Variants in IFT56 observed in about 807,000 individuals in gnomAD.
The protein encoded by IFT56 is intraflagellar transport protein 56.
At chr7:139,173,851 C>A in the IFT56 span, 1 of 709,266 alleles carries the variant, frequency 1.4e-6, no homozygotes, top group Non-Finnish European at 2.6e-6. Context: ...TCAGGTATTT[C>A]TATAGTTACT....
At chr7:139,162,893 A>G in the IFT56 span, among the ~76,000 whole-genome samples, 1 of 151,914 alleles carries the variant, frequency 6.6e-6, no homozygotes, top group Non-Finnish European at 1.5e-5. Flanking sequence ...CAGGAGGTGA[A>G]GCTTGCAGTG....
the IFT56 span, among the ~76,000 whole-genome samples, chr7:139,179,180 G>A: frequency 6.6e-6 from 1 of 152,166 alleles, no homozygotes; most frequent in Admixed American, 6.5e-5. Flanking sequence ...TCAGGAGTTC[G>A]AGACCAACCT....
chr7:139,137,525 T>C, the IFT56 span, among the ~76,000 whole-genome samples: 1 of 152,262 alleles, frequency 6.6e-6, no homozygotes, highest in African/African-American at 2.4e-5. Context: ...TCAGCCTCTC[T>C]AACCTTCAGT....
At chr7:139,159,576 C>T in the IFT56 span, among the ~76,000 whole-genome samples, 1 of 152,126 alleles carries the variant, frequency 6.6e-6, no homozygotes, top group Non-Finnish European at 1.5e-5. Flanking sequence ...ATTGGGCTTT[C>T]TTTTTTGTCC....
chr7:139,133,844 A>G, the IFT56 span: 5 of 1,614,238 alleles, frequency 3.1e-6, no homozygotes, highest in South Asian at 5.5e-5. Flanking sequence ...GGGACTCACA[A>G]GACCGACGTC....
At chr7:139,160,482 T>A in the IFT56 span, among the ~76,000 whole-genome samples, 2 of 151,400 alleles carry the variant, frequency 1.3e-5, no homozygotes, top group Non-Finnish European at 2.9e-5. Flanking sequence ...CAGGCTGGAA[T>A]GCAGTGGCGC....
At chr7:139,160,847 A>G in the IFT56 span, 2 of 778,308 alleles carry the variant, frequency 2.6e-6, no homozygotes, top group Non-Finnish European at 4.1e-6. Flanking sequence ...CAAATGAAAT[A>G]GCATGTTAAA....
At chr7:139,146,805 A>T in the IFT56 span, among the ~76,000 whole-genome samples, 1 of 151,750 alleles carries the variant, frequency 6.6e-6, no homozygotes, top group African/African-American at 2.4e-5. Flanking sequence ...AGAACAGATT[A>T]AAAATGTTAC....
At chr7:139,181,126 A>G in the IFT56 span, 1 of 1,612,234 alleles carries the variant, frequency 6.2e-7, no homozygotes, top group Admixed American at 1.7e-5. Context: ...TAGCCTGGGA[A>G]CTTTATCTTA....
At chr7:139,178,046 C>T in the IFT56 span, among the ~76,000 whole-genome samples, 1 of 152,060 alleles carries the variant, frequency 6.6e-6, no homozygotes, top group African/African-American at 2.4e-5. Flanking sequence ...GAACTATGAC[C>T]TCCATTATAT....
the IFT56 span, chr7:139,173,587 G>T: frequency 6.4e-3 from 5,255 of 820,094 alleles, 144 homozygotes; most frequent in African/African-American, 0.069. Flanking sequence ...ACAGGAGAGT[G>T]TAATCAAAGG....
the IFT56 span, chr7:139,142,228 T>C: frequency 8.7e-6 from 14 of 1,613,778 alleles, no homozygotes; most frequent in Non-Finnish European, 1.1e-5. Flanking sequence ...TTGAGTTCTT[T>C]AATAAGCAGC....
the IFT56 span, among the ~76,000 whole-genome samples, chr7:139,158,614 A>G: frequency 6.6e-6 from 1 of 152,010 alleles, no homozygotes; most frequent in African/African-American, 2.4e-5. Context: ...AGTATTTTCT[A>G]TTGTTAAATC....
chr7:139,147,378 C>G, the IFT56 span: 15 of 1,085,506 alleles, frequency 1.4e-5, no homozygotes, highest in Non-Finnish European at 2.0e-5. Context: ...TCCTCTGGAT[C>G]TAGTACCACT....
chr7:139,189,592 C>T, the IFT56 span: 1 of 576,604 alleles, frequency 1.7e-6, no homozygotes, highest in Non-Finnish European at 3.1e-6. Flanking sequence ...GAGACTTAGT[C>T]TCCTGGCTGA....
chr7:139,135,749 G>C, the IFT56 span, among the ~76,000 whole-genome samples: 2 of 151,974 alleles, frequency 1.3e-5, no homozygotes, highest in Admixed American at 6.6e-5. Flanking sequence ...GAGGGTGAAG[G>C]GTTGCACCAA....
the IFT56 span, chr7:139,190,444 AC>A: frequency 1.3e-5 from 2 of 152,068 alleles, no homozygotes; most frequent in African/African-American, 4.8e-5. Context: ...ACGGGGTTTC[AC>A]CGTGTTAGCC....
the IFT56 span, chr7:139,189,558 C>T: frequency 1.5e-6 from 1 of 682,218 alleles, no homozygotes; most frequent in Non-Finnish European, 2.5e-6. Context: ...CTCTTTAAGC[C>T]TCAAGGTCAG....
the IFT56 span, chr7:139,189,212 C>T: frequency 1.4e-6 from 1 of 728,704 alleles, no homozygotes; most frequent in Admixed American, 2.6e-5. Flanking sequence ...AGTCTATTAC[C>T]AAAAATGCCC....
Sources: allele counts gnomAD v4.1 joint callset (sites outside exome capture counted in the v4.1 genomes callset), GRCh38; gene constraint gnomAD v4.1.1; transcripts MANE v1.5; gene names NCBI Gene and HGNC (gene_info 2026-07-23, HGNC 2026-07-21).